TNK2: variants seen among roughly 807,000 people sequenced by gnomAD.
TNK2 encodes the protein activated CDC42 kinase 1.
In TNK2, 83 loss-of-function variants were observed where a neutral mutation model predicts 101.8. The observed-to-expected ratio is 0.82, with a 90% CI of 0.68 to 0.98. The LOEUF (loss-of-function observed/expected upper bound fraction) is 0.98. Ranked by LOEUF, TNK2 falls within the 50% of genes least tolerant of loss-of-function variation. The pLI is 0.00. For missense variants in TNK2, 1,665 were observed against 1,483.2 expected, an observed-to-expected ratio of 1.12 and a Z score of -2.01; for synonymous variants, 804 against 633.0, an observed-to-expected ratio of 1.27 and a Z score of -4.06.
intron 11 of TNK2, 74 bp from the exon 12 acceptor site, chr3:195,869,615 C>T (rs553709014): frequency 2.0e-5 from 28 of 1,423,296 alleles, no homozygotes; most frequent in South Asian, 1.5e-4. Flanking sequence ...GACGGCCGGA[C>T]GAGAGGGCAG....
intron 1 of TNK2, among the ~76,000 whole-genome samples, chr3:195,906,716 G>A (rs1227591477): frequency 1.3e-5 from 2 of 152,188 alleles, no homozygotes; most frequent in African/African-American, 2.4e-5. Context: ...TTATTAAATT[G>A]TGTGTTTTAA....
At chr3:195,906,700 CACA>C (rs1370818348) in intron 1 of TNK2, among the ~76,000 whole-genome samples, 2 of 152,086 alleles carry the variant, frequency 1.3e-5, no homozygotes, top group Non-Finnish European at 1.5e-5. Flanking sequence ...ATACACAGGC[CACA>C]ACTTATTAAA....
At chr3:195,896,054 T>C (rs780072958) in intron 1 of TNK2, 2 of 454,316 alleles carry the variant, frequency 4.4e-6, no homozygotes, top group South Asian at 3.1e-5. Context: ...CGCACTGACC[T>C]CCTTGACTTC....
At position 195,870,214 on chromosome 3, in the gene TNK2, G is replaced by C; in HGVS notation, c.1452-9C>G. On this transcript the variant is annotated splice_polypyrimidine_tract_variant and intron_variant, in intron 10 of 15. Coordinates refer to ENST00000672887, the MANE Select transcript of TNK2 (RefSeq NM_001382273.1). Reference sequence around the variant, plus strand: ...GGTTTCCCAGATACAGTCTGTGGGGGAGAGAGCTGGGTCAAGAGAGCAGGG... The same window carrying C: ...GGTTTCCCAGATACAGTCTGTGGGGCAGAGAGCTGGGTCAAGAGAGCAGGG... The C allele has an allele frequency of 1.3e-6, 2 of 1,598,054 alleles. No homozygotes were observed. The highest frequency in any genetic ancestry group is 1.7e-6 in the Non-Finnish European group (2 of 1,171,672).
chr3:195,866,688 C>T (rs1325250101), intron 15 of TNK2, among the ~76,000 whole-genome samples: 2 of 152,326 alleles, frequency 1.3e-5, no homozygotes, highest in Non-Finnish European at 2.9e-5. Context: ...CATTTGAAAA[C>T]CAAGTGGCTA....
chr3:195,903,404 C>T (rs1266349886), intron 1 of TNK2, among the ~76,000 whole-genome samples: 15 of 152,214 alleles, frequency 9.9e-5, no homozygotes, highest in Admixed American at 7.9e-4. Flanking sequence ...AACAAGGTAT[C>T]TACCCTTCTA....
intron 9 of TNK2, among the ~76,000 whole-genome samples, chr3:195,877,791 T>C (rs986441441): frequency 1.3e-5 from 2 of 151,632 alleles, no homozygotes; most frequent in Admixed American, 1.3e-4. Flanking sequence ...GAGGCAGGCC[T>C]GGGAGGGGGT....
At chr3:195,873,278 G>A (rs1746717001) in intron 9 of TNK2, among the ~76,000 whole-genome samples, 6 of 151,644 alleles carry the variant, frequency 4.0e-5, no homozygotes, top group Admixed American at 3.3e-4. Context: ...GCAGGGGCAG[G>A]GGCAGGGGCA....
intron 4 of TNK2, 67 bp downstream of exon 4, chr3:195,884,745 G>A: frequency 6.9e-7 from 1 of 1,452,720 alleles, no homozygotes; most frequent in South Asian, 1.3e-5. Context: ...CTGGTTGGGG[G>A]CAGAAGAGCC....
Position 195,885,812 on chromosome 3 carries a change from C to G in TNK2, c.235-779G>C. On this transcript the variant is annotated intron_variant, in intron 3 of 15. Coordinates refer to ENST00000672887, the MANE Select transcript of TNK2 (RefSeq NM_001382273.1). The surrounding 1 kb of genome is among the most constrained non-coding windows in gnomAD (Gnocchi z 4.7). ...CGGTCTGACTCGGCCTCCACTGAGG[C>G]ACCCACAGCCTTGGCTCCAGATTGC... The G allele has an allele frequency of 3.0e-6, 1 of 335,842 alleles. No homozygotes were observed. The highest frequency in any genetic ancestry group is 2.3e-5 in the South Asian group (1 of 43,700). 20.8% of individuals were successfully genotyped at this position (335,842 alleles called of 1,614,324 possible).
intron 4 of TNK2, chr3:195,883,584 C>T: frequency 2.4e-6 from 1 of 420,028 alleles, no homozygotes; most frequent in Non-Finnish European, 4.4e-6. Context: ...AAGAGATAAC[C>T]AGTATGATGA....
chr3:195,867,350 T>A lies in TNK2; in HGVS notation c.2937+11A>T. On this transcript the variant is annotated intron_variant, in intron 13 of 15. Coordinates refer to ENST00000672887, the MANE Select transcript of TNK2 (RefSeq NM_001382273.1). ...TGCCCCGCTTCGCCCACAGCCAGGC[T>A]GGGTGCTCACCATCTGGATCTTGTC... The A allele has an allele frequency of 1.9e-6, 3 of 1,608,132 alleles. No individual in the cohort carries two copies. Among genetic ancestry groups the A allele is most frequent in the Non-Finnish European group, 1.7e-6 (2 of 1,177,898 alleles).
Position 195,871,025 on chromosome 3 carries a change from G to GCTGTGTGGGTTCTGGTGTGTGGGGGCCCA in TNK2, c.1452-821_1452-820insTGGGCCCCCACACACCAGAACCCACACAG, listed in dbSNP as rs1472626885. 4.9e-4 allele frequency among the ~76,000 whole-genome samples: 74 copies of GCTGTGTGGGTTCTGGTGTGTGGGGGCCCA among 151,698 alleles called. 1 individual carries two copies. The highest frequency in any genetic ancestry group is 9.0e-4 in the Non-Finnish European group (61 of 67,832). ...TGTGGGTTCTGGTGTGTGGGGGCCC[G>GCTGTGTGGGTTCTGGTGTGTGGGGGCCCA]CTGTGTGGGGTTCTGGTGTGTGGGG... On this transcript the variant is annotated intron_variant, in intron 10 of 15. Coordinates refer to ENST00000672887, the MANE Select transcript of TNK2 (RefSeq NM_001382273.1).
intron 9 of TNK2, among the ~76,000 whole-genome samples, chr3:195,873,735 G>A (rs188362416): frequency 4.3e-4 from 65 of 152,306 alleles, no homozygotes; most frequent in African/African-American, 1.5e-3. Context: ...CTTGTAAGGT[G>A]ACGAGGCCTG....
chr3:195,872,662 A>G, intron 9 of TNK2, 192 bp from the exon 10 acceptor site: 1 of 600,800 alleles, frequency 1.7e-6, no homozygotes, highest in Non-Finnish European at 2.9e-6. Flanking sequence ...CTGTTTGCAC[A>G]CGGCCTTACC....
In TNK2 at chr3:195,878,900, C is replaced by T. The variant is rs527564038; in HGVS notation, c.1014+149G>A. On this transcript the variant is annotated intron_variant, in intron 7 of 15. Coordinates refer to ENST00000672887, the MANE Select transcript of TNK2 (RefSeq NM_001382273.1). This position sits in a 1 kb window ranked among gnomAD's most constrained non-coding sequence, Gnocchi z 4.7. ...ACGGGGCGTGAGAGGAGACACGGGGCGTGGTGGGAGGCACGGGAAGTGGGG... is the reference window on the plus strand; with the variant it reads ...ACGGGGCGTGAGAGGAGACACGGGGTGTGGTGGGAGGCACGGGAAGTGGGG... The T allele has an allele frequency of 2.6e-5, 33 of 1,273,502 alleles. No homozygotes were observed. In the South Asian group the frequency reaches 3.8e-4, roughly 15 times the overall value. 78.9% of individuals were successfully genotyped at this position (1,273,502 alleles called of 1,614,324 possible).
chr3:195,887,896 A>C (rs555117835), intron 2 of TNK2, among the ~76,000 whole-genome samples: 1 of 125,494 alleles, frequency 8.0e-6, no homozygotes, highest in Admixed American at 7.2e-5. Context: ...ACGCACGTGC[A>C]TGCGTGTGTG....
chr3:195,899,966 T>TC (rs1478187980), intron 1 of TNK2, among the ~76,000 whole-genome samples: 11 of 151,734 alleles, frequency 7.2e-5, no homozygotes, highest in Non-Finnish European at 1.2e-4. Context: ...CGGCTTTGCC[T>TC]CCCCCCATGA....
Position 195,878,162 on chromosome 3 carries a change from A to C in TNK2, c.1256+91T>G. ...CGCCAGCCTGTATGTGGCCAAGGGA[A>C]TCTTGGAGGCCAAACAGATCTGTCC... On this transcript the variant is annotated intron_variant, in intron 9 of 15. Coordinates refer to ENST00000672887, the MANE Select transcript of TNK2 (RefSeq NM_001382273.1). The surrounding 1 kb of genome is among the most constrained non-coding windows in gnomAD (Gnocchi z 4.7). 5.9e-6 allele frequency: 8 copies of C among 1,354,686 alleles called. No homozygotes were observed. The highest frequency in any genetic ancestry group is 1.2e-5 in the South Asian group (1 of 85,240). 83.9% of individuals were successfully genotyped at this position (1,354,686 alleles called of 1,614,324 possible).
Sources: gnomAD v4.1 joint callset for allele counts (sites outside exome capture counted in the v4.1 genomes callset) on GRCh38, gnomAD v4.1.1 for gene constraint, Gnocchi (gnomAD v3.1) non-coding constraint, MANE v1.5 for transcripts, NCBI Gene and HGNC (gene_info 2026-07-23, HGNC 2026-07-21) for gene names.